ACAD8: variants seen among roughly 807,000 people sequenced by gnomAD.
ACAD8 encodes the protein acyl-CoA dehydrogenase family member 8, also known as isobutyryl-CoA dehydrogenase, mitochondrial.
In ACAD8, 47 loss-of-function variants were observed where a neutral mutation model predicts 53.1. The ratio of observed to expected loss-of-function variants is 0.89; its 90% confidence interval spans 0.70 to 1.13. ACAD8 has a LOEUF of 1.13. ACAD8 is among the 50% of genes most tolerant of loss of function. ACAD8 has a pLI of 0.00. For missense variants in ACAD8, 494 were observed against 535.0 expected, an observed-to-expected ratio of 0.92 and a Z score of 0.76; for synonymous variants, 198 against 201.3, an observed-to-expected ratio of 0.98 and a Z score of 0.14.
intron 9 of ACAD8, 73 bp from the exon 10 acceptor site, chr11:134,262,446 TG>T: frequency 3.0e-6 from 3 of 1,014,260 alleles, no homozygotes; most frequent in Non-Finnish European, 4.6e-6. Context: ...GATCGTGGGC[TG>T]GGGTAGGAAG....
intron 5 of ACAD8, 76 bp downstream of exon 5, chr11:134,259,160 A>C: frequency 7.4e-7 from 1 of 1,343,180 alleles, no homozygotes; most frequent in Non-Finnish European, 1.1e-6. Context: ...GTTCCTTCAC[A>C]TCCGCGGGTT....
In ACAD8 at chr11:134,261,169, G is replaced by A; in HGVS notation, c.831G>A (p.Arg277=). 1 of 1,613,284 alleles carries A rather than the reference G, an allele frequency of 6.2e-7. No individual in the cohort carries two copies. The highest frequency in any genetic ancestry group is 8.5e-7 in the Non-Finnish European group (1 of 1,179,734). Reference sequence around the variant, plus strand: ...CCGTGAGAGGACTGAACGGAGGGAGGATCAATATTGGTGAGATACGCAGGG... The same window carrying A: ...CCGTGAGAGGACTGAACGGAGGGAGAATCAATATTGGTGAGATACGCAGGG... ...LIAVRGLNGG[R]INIASCSLGA... The change falls in exon 7 of 11, where the codon AGG becomes AGA. Residue 277 remains arginine, a synonymous_variant. Transcript: ENST00000281182. The surrounding 1 kb of genome is among the most constrained non-coding windows in gnomAD (Gnocchi z 4.2).
intron 10 of ACAD8, among the ~76,000 whole-genome samples, chr11:134,264,652 T>A (rs1940085259): frequency 6.6e-6 from 1 of 152,204 alleles, no homozygotes; most frequent in Non-Finnish European, 1.5e-5. Flanking sequence ...TATATACTGT[T>A]TTTATTCTGC....
Position 134,253,630 on chromosome 11 carries a change from G to A in ACAD8, c.30G>A (p.Gly10=), listed in dbSNP as rs770181146. Residue 10 remains glycine (G), a synonymous_variant, in exon 1 of 11, where the codon GGG becomes GGA. Coordinates refer to ENST00000281182, the MANE Select transcript of ACAD8 (RefSeq NM_014384.3). MLWSGCRRF[G]ARLGCLPGGL... ...TGTGGAGCGGCTGCCGGCGTTTCGG[G>A]GCGCGCCTCGGCTGCCTGCCCGGCG... The A allele has an allele frequency of 2.5e-6, 4 of 1,583,862 alleles. No individual in the cohort carries two copies. In the South Asian group the frequency reaches 3.4e-5, roughly 14 times the overall value.
At position 134,258,453 on chromosome 11, in the gene ACAD8, AT is replaced by A. The variant is rs948669930; in HGVS notation, c.381-53del. 383 of 1,138,524 alleles carry A rather than the reference AT, an allele frequency of 3.4e-4. 2 individuals carry two copies. Among genetic ancestry groups the A allele is most frequent in the African/African-American group, 1.6e-3 (104 of 63,088 alleles). The allele number at this position is 1,138,524 out of a possible 1,614,324, so 70.5% of individuals were successfully genotyped here. A position where few individuals can be genotyped will look rare whatever the true frequency, so the allele number is the denominator to read the frequency against. On this transcript the variant is annotated intron_variant, in intron 3 of 10. Transcript: ENST00000281182. Reference sequence around the variant, plus strand: ...TTTGTTCTCTTTCCCCTTCTCCCCCATTTTTTTTTCTTTTCCATCTTTATTT... The same window carrying A: ...TTTGTTCTCTTTCCCCTTCTCCCCCATTTTTTTTCTTTTCCATCTTTATTT...
intron 2 of ACAD8, 128 bp from the exon 3 acceptor site, chr11:134,256,960 C>A: frequency 2.0e-6 from 2 of 1,016,046 alleles, no homozygotes; most frequent in Non-Finnish European, 3.1e-6. Flanking sequence ...TGTAAGATGA[C>A]AAACAGGCAT....
At chr11:134,260,016 G>A (rs2136081090) in intron 6 of ACAD8, 2 of 1,289,850 alleles carry the variant, frequency 1.6e-6, no homozygotes, top group East Asian at 4.1e-5. Context: ...TTTGGCCTGT[G>A]TTCCTTATCC....
intron 10 of ACAD8, chr11:134,263,106 G>GC: frequency 8.8e-7 from 1 of 1,138,914 alleles, no homozygotes. Flanking sequence ...CACTATATGG[G>GC]TATCTTCTTG....
intron 1 of ACAD8, among the ~76,000 whole-genome samples, chr11:134,255,409 T>TACAG (rs1939468364): frequency 6.6e-6 from 1 of 152,244 alleles, no homozygotes; most frequent in African/African-American, 2.4e-5. Flanking sequence ...AGTCTGGGAT[T>TACAG]ACAGGCATGA....
In ACAD8 at chr11:134,257,185, T is replaced by G. The variant is rs763906092; in HGVS notation, c.308T>G (p.Leu103Arg). Reference protein sequence around the residue: ...TDVGGSGLSRLDTSVIFEALA... With the variant: ...TDVGGSGLSRRDTSVIFEALA... Reference sequence around the variant, plus strand: ...GTGGGCGGGTCTGGGCTGTCACGTCTTGATACCTCTGTCATTTTTGAAGCC... The same window carrying G: ...GTGGGCGGGTCTGGGCTGTCACGTCGTGATACCTCTGTCATTTTTGAAGCC... Residue 103 changes from leucine to arginine, a missense_variant, in exon 3 of 11, where the codon CTT (leucine) becomes CGT (arginine). By Grantham distance (102) the Leu-to-Arg change is moderately radical (BLOSUM62 -2). Coordinates refer to ENST00000281182, the MANE Select transcript of ACAD8 (RefSeq NM_014384.3). 3.7e-6 allele frequency: 6 copies of G among 1,614,100 alleles called. No individual in the cohort carries two copies. In the Admixed American group the frequency reaches 1.0e-4, roughly 27 times the overall value.
At position 134,259,601 on chromosome 11, in the gene ACAD8, C is replaced by T. The variant is rs1321686072; in HGVS notation, c.568-7C>T. 6.2e-7 allele frequency: 1 copy of T among 1,614,086 alleles called. No homozygotes were observed. The highest frequency in any genetic ancestry group is 1.1e-5 in the South Asian group (1 of 91,066). Reference sequence around the variant, plus strand: ...CTGGTCCTTTTGCACCCCTTTTACCCCCACAGGCCTTCATCAGTGGTGCTG... The same window carrying T: ...CTGGTCCTTTTGCACCCCTTTTACCTCCACAGGCCTTCATCAGTGGTGCTG... On this transcript the variant is annotated splice_region_variant and splice_polypyrimidine_tract_variant and intron_variant, in intron 5 of 10. Transcript: ENST00000281182.
At chr11:134,264,849 T>C (rs112693247) in intron 10 of ACAD8, 59 bp from the exon 11 acceptor site, 10 of 1,511,402 alleles carry the variant, frequency 6.6e-6, no homozygotes, top group African/African-American at 4.1e-5. Flanking sequence ...TGGTCAGAGC[T>C]TTACTAAACT....
chr11:134,257,959 C>T (rs1056454380), intron 3 of ACAD8: 13 of 180,390 alleles, frequency 7.2e-5, no homozygotes, highest in Non-Finnish European at 1.5e-4. Flanking sequence ...AAGTGATTCT[C>T]CTGCCTCAGC....
At chr11:134,259,120 T>C in intron 5 of ACAD8, 36 bp downstream of exon 5, 2 of 1,586,906 alleles carry the variant, frequency 1.3e-6, no homozygotes, top group South Asian at 2.2e-5. Context: ...ACTTTGGAGA[T>C]TGTTCCCAGC....
chr11:134,257,066 C>T (rs1739753057), intron 2 of ACAD8, 22 bp from the exon 3 acceptor site: 1 of 1,613,950 alleles, frequency 6.2e-7, no homozygotes, highest in Admixed American at 1.7e-5. Context: ...CTGCTGATCA[C>T]CCTGCTCTCT....
chr11:134,262,790 G>A, intron 10 of ACAD8, 168 bp downstream of exon 10: 1 of 1,494,422 alleles, frequency 6.7e-7, no homozygotes. Flanking sequence ...GCAGGGGCCT[G>A]GAGTCCAGAG....
rs36115758 is a variant in ACAD8, at chr11:134,261,139, C to T, written c.801C>T (p.Leu267=). 1.2e-3 allele frequency: 1,890 copies of T among 1,612,398 alleles called. 20 individuals are homozygous for T. In the African/African-American group the frequency reaches 0.022, roughly 19 times the overall value. The change falls in exon 7 of 11, where the codon CTC becomes CTT. Residue 267 remains leucine, a synonymous_variant. Coordinates refer to ENST00000281182, the MANE Select transcript of ACAD8 (RefSeq NM_014384.3). The surrounding 1 kb of genome is among the most constrained non-coding windows in gnomAD (Gnocchi z 4.2). The part of the protein sequence containing the change: ...NRIGSEGQGF[L]IAVRGLNGGR... ...TTGGGAGCGAGGGGCAGGGCTTCCTCATTGCCGTGAGAGGACTGAACGGAG... is the reference window on the plus strand; with the variant it reads ...TTGGGAGCGAGGGGCAGGGCTTCCTTATTGCCGTGAGAGGACTGAACGGAG...
intron 4 of ACAD8, 28 bp downstream of exon 4, chr11:134,258,652 T>A: frequency 6.6e-7 from 1 of 1,520,290 alleles, no homozygotes; most frequent in Non-Finnish European, 9.1e-7. Context: ...CACTGAGATA[T>A]AGCAGGGAGA....
At chr11:134,262,009 T>G (rs950554773) in intron 9 of ACAD8, 119 bp downstream of exon 9, 3 of 1,240,994 alleles carry the variant, frequency 2.4e-6, no homozygotes, top group African/African-American at 3.0e-5. Flanking sequence ...AAGGATCACC[T>G]TAAGCTTAAG....
Sources: allele counts gnomAD v4.1 joint callset (sites outside exome capture counted in the v4.1 genomes callset), GRCh38; gene constraint gnomAD v4.1.1; non-coding constraint Gnocchi (gnomAD v3.1); transcripts MANE v1.5; gene names NCBI Gene and HGNC (gene_info 2026-07-23, HGNC 2026-07-21).